The following COL4A4 variants were observed in gnomAD, a reference collection of about 807,000 sequenced individuals.
COL4A4 encodes the protein collagen type IV alpha 4 chain, also known as collagen alpha-4(IV) chain.
Under a neutral mutation model 192.9 loss-of-function variants are expected in COL4A4, and 105 were observed. That is an observed-to-expected ratio of 0.54 (90% confidence interval 0.46 to 0.64). COL4A4 has a LOEUF of 0.64. Among genes scored for constraint, COL4A4 ranks in the 30% least tolerant of loss-of-function variants. The pLI is 0.00. For synonymous variants in COL4A4, 762 were observed against 769.9 expected (o/e 0.99, Z 0.17); for missense variants, 1,967 against 2,169.3 (o/e 0.91, Z 1.85).
intron 9 of COL4A4, among the ~76,000 whole-genome samples, chr2:227,111,198 A>C (rs1214926592): frequency 6.6e-6 from 1 of 152,200 alleles, no homozygotes; most frequent in Non-Finnish European, 1.5e-5. Flanking sequence ...AGTTTTGTGA[A>C]ACTTTCTCAC....
At chr2:226,989,604 T>C in the COL4A4 span, among the ~76,000 whole-genome samples, 1 of 152,236 alleles carries the variant, frequency 6.6e-6, no homozygotes, top group African/African-American at 2.4e-5. Flanking sequence ...CTTTGACTTT[T>C]CTTTCTTTTT....
intron 44 of COL4A4, among the ~76,000 whole-genome samples, chr2:227,016,351 A>G (rs1414644058): frequency 1.3e-5 from 2 of 152,202 alleles, no homozygotes; most frequent in African/African-American, 2.4e-5. Context: ...AGGCCTGTGT[A>G]TGGATATCAC....
chr2:227,040,854 C>T (rs766746516), intron 37 of COL4A4, among the ~76,000 whole-genome samples: 14 of 151,794 alleles, frequency 9.2e-5, no homozygotes, highest in African/African-American at 1.9e-4. Context: ...GTGAGCCACC[C>T]GGCCAAAAAA....
At chr2:227,046,636 T>C (rs939215167) in intron 35 of COL4A4, among the ~76,000 whole-genome samples, 1 of 152,084 alleles carries the variant, frequency 6.6e-6, no homozygotes, top group African/African-American at 2.4e-5. Context: ...CCAATTAATA[T>C]CTGCAACATT....
At chr2:226,976,615 T>C in the COL4A4 span, among the ~76,000 whole-genome samples, 1 of 151,968 alleles carries the variant, frequency 6.6e-6, no homozygotes, top group East Asian at 1.9e-4. Flanking sequence ...CTAGAACACT[T>C]AGAGGAAGAG....
Position 227,147,564 on chromosome 2 carries a change from G to T in COL4A4, c.-81C>A. 2 of 1,233,040 alleles carry T rather than the reference G, an allele frequency of 1.6e-6. No homozygotes were observed. Among genetic ancestry groups the T allele is most frequent in the Non-Finnish European group, 1.2e-6 (1 of 839,548 alleles). The allele number at this position is 1,233,040 out of a possible 1,614,324, so 76.4% of individuals were successfully genotyped here. A position where few individuals can be genotyped will look rare whatever the true frequency, so the allele number is the denominator to read the frequency against. ...TTCTTGTTGACAAGTGAGGTTCTGT[G>T]TTCTGGGTCAAAGTCTGTTCCTGTT... On this transcript the variant is annotated 5_prime_UTR_variant, in exon 2 of 48. Transcript: ENST00000396625.
chr2:227,070,528 A>G (rs2058651416), intron 25 of COL4A4, among the ~76,000 whole-genome samples: 2 of 152,154 alleles, frequency 1.3e-5, no homozygotes, highest in Admixed American at 1.3e-4. Flanking sequence ...ACCATGGAAT[A>G]CTATGCAGCC....
At chr2:227,033,758 T>C (rs555581181) in intron 37 of COL4A4, among the ~76,000 whole-genome samples, 79 of 152,366 alleles carry the variant, frequency 5.2e-4, no homozygotes, top group South Asian at 1.2e-3. Flanking sequence ...AGATATGGTC[T>C]AGAATTACTG....
At chr2:227,144,388 T>C in intron 3 of COL4A4, 128 bp downstream of exon 3, 1 of 767,674 alleles carries the variant, frequency 1.3e-6, no homozygotes, top group Non-Finnish European at 2.3e-6. Context: ...GTTTATTTAG[T>C]CCTATTCTCC....
At chr2:227,119,423 AAC>A (rs1456998393) in intron 6 of COL4A4, among the ~76,000 whole-genome samples, 2 of 149,760 alleles carry the variant, frequency 1.3e-5, no homozygotes. Flanking sequence ...ATATATAATT[AAC>A]AGATATTATG....
intron 1 of COL4A4, 92 bp from the exon 2 acceptor site, chr2:227,147,676 C>T: frequency 1.8e-6 from 1 of 544,858 alleles, no homozygotes; most frequent in South Asian, 2.0e-5. Context: ...GAAATATTTT[C>T]TAAAGGGTAA....
Position 227,089,949 on chromosome 2 carries a change from A to G in COL4A4, c.1378T>C (p.Cys460Arg). The part of the protein sequence containing the change: ...QGLPGSSVIY[C>R]SVGNPGPQGI... ...TGTGGTCCGGGGTTCCCAACACTAC[A>G]GTATATCACTGTCAAGGAGGTAAGG... is the stretch of plus-strand genomic sequence containing the variant. Residue 460 changes from cysteine to arginine, a missense_variant, in exon 21 of 48, where the codon TGT becomes CGT. Coordinates refer to ENST00000396625, the MANE Select transcript of COL4A4 (RefSeq NM_000092.5). 3 of 1,613,254 alleles carry G rather than the reference A, an allele frequency of 1.9e-6. No individual in the cohort carries two copies. The highest frequency in any genetic ancestry group is 2.2e-5 in the South Asian group (2 of 91,066).
chr2:227,143,019 C>T (rs569595655), intron 3 of COL4A4, among the ~76,000 whole-genome samples: 36 of 146,872 alleles, frequency 2.5e-4, no homozygotes, highest in Admixed American at 6.6e-4. Flanking sequence ...CACACACACA[C>T]GCACACACAG....
At chr2:226,991,427 G>A in the COL4A4 span, among the ~76,000 whole-genome samples, 7 of 152,148 alleles carry the variant, frequency 4.6e-5, no homozygotes, top group East Asian at 3.9e-4. Context: ...TGAACCGCCC[G>A]CCTCAGCCTC....
intron 24 of COL4A4, 22 bp from the exon 25 acceptor site, chr2:227,078,099 T>TC (rs779446567): frequency 6.2e-7 from 1 of 1,612,570 alleles, no homozygotes; most frequent in African/African-American, 1.3e-5. Context: ...ATGTCATGAG[T>TC]CAATTACCAA....
intron 4 of COL4A4, among the ~76,000 whole-genome samples, chr2:227,131,140 CTTTT>C (rs111295986): frequency 1.9e-4 from 28 of 144,310 alleles, no homozygotes; most frequent in South Asian, 6.6e-4. Flanking sequence ...AATCTGTCTG[CTTTT>C]TTTTTTTTTT....
At chr2:226,984,649 G>GGGGT in the COL4A4 span, among the ~76,000 whole-genome samples, 5 of 152,194 alleles carry the variant, frequency 3.3e-5, no homozygotes, top group Non-Finnish European at 5.9e-5. Context: ...CTAACGCCCT[G>GGGGT]GGGTCGTAGG....
the COL4A4 span, among the ~76,000 whole-genome samples, chr2:226,992,134 G>A: frequency 6.6e-6 from 1 of 152,144 alleles, no homozygotes; most frequent in African/African-American, 2.4e-5. Context: ...TGACACAAGT[G>A]GAAACTATAG....
intron 3 of COL4A4, among the ~76,000 whole-genome samples, chr2:227,143,000 TCA>T (rs371177118): frequency 3.4e-4 from 49 of 143,664 alleles, no homozygotes; most frequent in African/African-American, 8.4e-4. Context: ...ATGACCTCAT[TCA>T]CACACACACA....
Sources: gnomAD v4.1 joint callset for allele counts (sites outside exome capture counted in the v4.1 genomes callset) on GRCh38, gnomAD v4.1.1 for gene constraint, MANE v1.5 for transcripts, NCBI Gene and HGNC (gene_info 2026-07-23, HGNC 2026-07-21) for gene names.